C6: variants seen among roughly 807,000 people sequenced by gnomAD.
C6 encodes the protein complement C6.
C6 carries 101 observed loss-of-function variants against 112.9 expected under a neutral mutation model. The ratio of observed to expected loss-of-function variants is 0.89; its 90% CI spans 0.76 to 1.06. The LOEUF is 1.06. Ranked by LOEUF, C6 falls within the 50% of genes least tolerant of loss-of-function variation. The probability of loss-of-function intolerance (pLI) is 0.00; values close to 1 mark genes in which losing one functional copy is unlikely to be tolerated. For synonymous variants in C6, 431 were observed against 384.1 expected (o/e 1.12, Z -1.43); for missense variants, 1,202 against 1,104.6 (o/e 1.09, Z -1.25).
At chr5:41,185,949 G>A in intron 6 of C6, 121 bp downstream of exon 6, 6 of 1,175,288 alleles carry the variant, frequency 5.1e-6, no homozygotes, top group South Asian at 1.3e-5. Context: ...CACATAACAC[G>A]TGATTAAAAT....
At position 41,205,381 on chromosome 5, in the gene C6, G is replaced by C. The variant is rs1215532174; in HGVS notation, c.-20-2131C>G. Among the ~76,000 whole-genome samples, 3 of 152,224 alleles carry C rather than the reference G, an allele frequency of 2.0e-5. No homozygotes were observed. In the East Asian group the frequency reaches 5.8e-4, roughly 29 times the overall value. On this transcript the variant is annotated intron_variant, in intron 1 of 17. Coordinates refer to ENST00000337836, the MANE Select transcript of C6 (RefSeq NM_000065.5). ...TCATCTCACTGGGGCTTGTCGGACA[G>C]TGGGCGCAGTCCATGGAGTGTGAGC... is the stretch of plus-strand genomic sequence containing the variant.
intron 15 of C6, among the ~76,000 whole-genome samples, chr5:41,150,670 C>T (rs897441584): frequency 3.3e-5 from 5 of 151,970 alleles, no homozygotes; most frequent in South Asian, 4.1e-4. Context: ...AGGCAGATCA[C>T]AAGGTCAGGA....
chr5:41,223,136 C>A (rs73074049), intron 1 of C6, among the ~76,000 whole-genome samples: 10,647 of 152,110 alleles, frequency 0.07, 585 homozygotes, highest in African/African-American at 0.15. Flanking sequence ...TAAACAAAAG[C>A]TTGGTTTCTA....
chr5:41,160,347 C>G lies in C6; in HGVS notation c.1479G>C (p.Leu493Phe). 6.2e-7 allele frequency: 1 copy of G among 1,613,646 alleles called. No homozygotes were observed. Among genetic ancestry groups the G allele is most frequent in the South Asian group, 1.1e-5 (1 of 91,060 alleles). The change falls in exon 11 of 18, where the codon TTG (leucine) becomes TTC (phenylalanine). Residue 493 changes from leucine (L) to phenylalanine (F), a missense_variant. Physicochemically the swap from Leu to Phe is conservative, Grantham distance 22. Coordinates refer to ENST00000337836, the MANE Select transcript of C6 (RefSeq NM_000065.5). Reference protein sequence around the residue: ...IDFELAPIVDLVRNIPCAVTK... With the variant: ...IDFELAPIVDFVRNIPCAVTK... ...TCACTGCACAGGGGATGTTTCTTAC[C>G]AAGTCCACGATGGGGGCAAGCTAGG... is the stretch of plus-strand genomic sequence containing the variant.
intron 5 of C6, among the ~76,000 whole-genome samples, chr5:41,189,895 C>T (rs1007357675): frequency 6.6e-6 from 1 of 152,114 alleles, no homozygotes; most frequent in Non-Finnish European, 1.5e-5. Context: ...GCTTATTTCA[C>T]TTAATATCCT....
chr5:41,183,993 GA>G (rs1281377688), intron 6 of C6, among the ~76,000 whole-genome samples: 4 of 144,890 alleles, frequency 2.8e-5, no homozygotes, highest in Non-Finnish European at 4.6e-5. Context: ...GGAAGGGAGG[GA>G]GGGGCAAGAG....
intron 14 of C6, among the ~76,000 whole-genome samples, chr5:41,154,492 G>A (rs896792079): frequency 7.2e-5 from 11 of 152,204 alleles, no homozygotes; most frequent in African/African-American, 2.7e-4. Context: ...AGAGCCTAAA[G>A]CTCATTCACT....
chr5:41,211,656 C>T (rs897712900), intron 1 of C6, among the ~76,000 whole-genome samples: 1 of 152,044 alleles, frequency 6.6e-6, no homozygotes, highest in African/African-American at 2.4e-5. Context: ...ACCCTTGCCC[C>T]CCACTGCCAA....
chr5:41,244,711 A>G (rs1740919278), intron 1 of C6, among the ~76,000 whole-genome samples: 1 of 120,236 alleles, frequency 8.3e-6, no homozygotes, highest in Non-Finnish European at 1.9e-5. Context: ...TAAAAGTCAA[A>G]CACATTTTTT....
chr5:41,222,396 A>C (rs1739228679), intron 1 of C6, among the ~76,000 whole-genome samples: 1 of 151,936 alleles, frequency 6.6e-6, no homozygotes, highest in African/African-American at 2.4e-5. Context: ...AAATTTAGTC[A>C]TTCTGAAGTT....
At chr5:41,200,895 T>TG (rs1750977133) in intron 3 of C6, among the ~76,000 whole-genome samples, 6 of 24,244 alleles carry the variant, frequency 2.5e-4, no homozygotes, top group Non-Finnish European at 4.6e-4. Flanking sequence ...GTTGTTGTTT[T>TG]TTTTTTTTTT....
At chr5:41,191,590 A>T (rs1450677624) in intron 5 of C6, among the ~76,000 whole-genome samples, 1 of 152,018 alleles carries the variant, frequency 6.6e-6, no homozygotes, top group Non-Finnish European at 1.5e-5. Context: ...AAGTTCTTTC[A>T]TCAGTGTTTT....
At position 41,201,638 on chromosome 5, in the gene C6, T is replaced by G. The variant is rs144491040; in HGVS notation, c.220A>C (p.Asn74His). Reference protein sequence around the residue: ...ICSKQETRECNWQRCPINCLL... With the variant: ...ICSKQETRECHWQRCPINCLL... ...CAGTTGATGGGGCATCTTTGCCAGT[T>G]ACATTCTCTAGTCTCCTGCTTGCTG... Residue 74 changes from asparagine to histidine, a missense_variant, in exon 3 of 18, where the codon AAC becomes CAC. Physicochemically the swap from Asn to His is moderately conservative, Grantham distance 68 (BLOSUM62 1). Coordinates refer to ENST00000337836, the MANE Select transcript of C6 (RefSeq NM_000065.5). The G allele has an allele frequency of 4.7e-5, 76 of 1,613,608 alleles. No homozygotes were observed. In the Middle Eastern group the frequency reaches 4.9e-4, roughly 10 times the overall value.
chr5:41,189,443 T>A (rs763085992), intron 5 of C6, among the ~76,000 whole-genome samples: 4 of 152,090 alleles, frequency 2.6e-5, no homozygotes, highest in Non-Finnish European at 5.9e-5. Context: ...TATTCTCTCA[T>A]ACAATGGAAT....
At chr5:41,173,614 G>C (rs2150305165) in intron 8 of C6, among the ~76,000 whole-genome samples, 1 of 152,170 alleles carries the variant, frequency 6.6e-6, no homozygotes, top group Admixed American at 6.6e-5. Context: ...AAGCAAAGTA[G>C]GTTATCAAAT....
intron 1 of C6, among the ~76,000 whole-genome samples, chr5:41,255,290 G>A (rs1217935936): frequency 6.6e-6 from 1 of 151,922 alleles, no homozygotes; most frequent in Non-Finnish European, 1.5e-5. Context: ...AAACCTGGGA[G>A]GCGGCGGCCG....
intron 9 of C6, among the ~76,000 whole-genome samples, chr5:41,163,461 C>A (rs898131563): frequency 2.0e-5 from 3 of 151,964 alleles, no homozygotes. Flanking sequence ...TACAGGCATG[C>A]GTCACCAGGC....
At chr5:41,199,673 C>T in intron 4 of C6, 95 bp downstream of exon 4, 2 of 1,225,368 alleles carry the variant, frequency 1.6e-6, no homozygotes, top group Non-Finnish European at 2.4e-6. Context: ...GGTGGGATTT[C>T]TCTGTGATGG....
chr5:41,210,771 C>T (rs964301824), intron 1 of C6, among the ~76,000 whole-genome samples: 2 of 152,110 alleles, frequency 1.3e-5, no homozygotes, highest in African/African-American at 2.4e-5. Flanking sequence ...GAAATAGGAA[C>T]ATTTTACACT....
Sources: allele counts gnomAD v4.1 joint callset (sites outside exome capture counted in the v4.1 genomes callset), GRCh38; gene constraint gnomAD v4.1.1; transcripts MANE v1.5; gene names NCBI Gene and HGNC (gene_info 2026-07-23, HGNC 2026-07-21).